ZFYVE1: variants seen among roughly 807,000 people sequenced by gnomAD.
ZFYVE1 encodes zinc finger FYVE-type containing 1, also known as zinc finger FYVE domain-containing protein 1.
Under a neutral mutation model 74.4 loss-of-function variants are expected in ZFYVE1, and 30 were observed. The observed-to-expected ratio is 0.40, with a 90% CI of 0.30 to 0.55. ZFYVE1 has a LOEUF of 0.55. Ranked by LOEUF, ZFYVE1 falls within the 20% of genes least tolerant of loss-of-function variation. The pLI is 0.42. For synonymous variants in ZFYVE1, 335 were observed against 385.1 expected, an observed-to-expected ratio of 0.87 and a Z score of 1.52; for missense variants, 703 against 1,011.6, an observed-to-expected ratio of 0.69 and a Z score of 4.14.
At chr14:73,008,778 C>T (rs1456865123) in intron 2 of ZFYVE1, among the ~76,000 whole-genome samples, 1 of 152,092 alleles carries the variant, frequency 6.6e-6, no homozygotes, top group Non-Finnish European at 1.5e-5. Context: ...CCAGTAAAGG[C>T]CTGTCAGTAA....
intron 2 of ZFYVE1, among the ~76,000 whole-genome samples, chr14:73,003,466 C>T (rs912763578): frequency 2.0e-5 from 3 of 152,184 alleles, no homozygotes; most frequent in Non-Finnish European, 2.9e-5. Flanking sequence ...AATCCCCGTG[C>T]TTTGGGAGGC....
chr14:73,016,338 C>G (rs1286204471), intron 2 of ZFYVE1, among the ~76,000 whole-genome samples: 1 of 152,050 alleles, frequency 6.6e-6, no homozygotes, highest in East Asian at 1.9e-4. Context: ...GGTGAAACCC[C>G]GTCTCTACTA....
intron 3 of ZFYVE1, among the ~76,000 whole-genome samples, chr14:72,995,058 T>TTTTATTTA (rs530658295): frequency 1.3e-5 from 2 of 152,250 alleles, no homozygotes; most frequent in African/African-American, 2.4e-5. Context: ...TTAATTTCCT[T>TTTTATTTA]TTTATTTATT....
chr14:73,000,383 C>G (rs1402597829), intron 2 of ZFYVE1, among the ~76,000 whole-genome samples: 1 of 152,106 alleles, frequency 6.6e-6, no homozygotes, highest in Non-Finnish European at 1.5e-5. Flanking sequence ...GAGAGGATAG[C>G]TTGAGGCCAG....
intron 2 of ZFYVE1, among the ~76,000 whole-genome samples, chr14:73,013,253 A>C (rs1451147222): frequency 1.3e-5 from 2 of 152,188 alleles, no homozygotes; most frequent in African/African-American, 4.8e-5. Context: ...GCTATGACCA[A>C]GCTGACCATA....
intron 4 of ZFYVE1, among the ~76,000 whole-genome samples, chr14:72,989,913 CA>C (rs145449020): frequency 0.014 from 2,076 of 152,152 alleles, 48 homozygotes; most frequent in African/African-American, 0.045. Context: ...TCTTTTATCT[CA>C]AAAGGACTCA....
At chr14:73,023,862 T>C (rs1419975881) in intron 2 of ZFYVE1, among the ~76,000 whole-genome samples, 164 bp downstream of exon 2, 2 of 152,298 alleles carry the variant, frequency 1.3e-5, no homozygotes, top group South Asian at 2.1e-4. Context: ...CCAGAGGTCA[T>C]GCAGCTGGTA....
intron 2 of ZFYVE1, among the ~76,000 whole-genome samples, chr14:73,003,223 T>A (rs1438245282): frequency 6.6e-6 from 1 of 151,702 alleles, no homozygotes; most frequent in Admixed American, 6.6e-5. Flanking sequence ...CCCAGCTAAT[T>A]TTTTTTGTAC....
In ZFYVE1 at chr14:73,026,917, G is replaced by A. The variant is rs1410025390; in HGVS notation, c.-435+9C>T. On this transcript the variant is annotated intron_variant, in intron 1 of 11. Coordinates refer to ENST00000556143, the MANE Select transcript of ZFYVE1 (RefSeq NM_021260.4). ...CCCTGCCCTGCCCGCCGCGGCCCGG[G>A]GATCCCACCACTGAGAAGCTCGGCC... is the stretch of plus-strand genomic sequence containing the variant. 2 of 397,444 alleles carry A rather than the reference G, an allele frequency of 5.0e-6. No individual in the cohort carries two copies. The allele number at this position is 397,444 out of a possible 1,614,324, so 24.6% of individuals were successfully genotyped here.
intron 2 of ZFYVE1, among the ~76,000 whole-genome samples, chr14:73,007,371 C>G (rs891944241): frequency 6.6e-6 from 1 of 152,130 alleles, no homozygotes; most frequent in Non-Finnish European, 1.5e-5. Context: ...TCTGTACCAA[C>G]TACAATCATA....
At chr14:72,979,087 G>A (rs1893256195) in intron 5 of ZFYVE1, 118 bp from the exon 6 acceptor site, 7 of 833,180 alleles carry the variant, frequency 8.4e-6, no homozygotes, top group Non-Finnish European at 4.1e-6. Context: ...TACTAACTGG[G>A]CCTCAGATGC....
intron 4 of ZFYVE1, among the ~76,000 whole-genome samples, chr14:72,986,095 T>G (rs1893472420): frequency 6.6e-6 from 1 of 152,138 alleles, no homozygotes; most frequent in South Asian, 2.1e-4. Context: ...CAGCGTAAGG[T>G]TCTTACTGTT....
At chr14:72,987,840 A>G (rs1893517280) in intron 4 of ZFYVE1, among the ~76,000 whole-genome samples, 1 of 152,176 alleles carries the variant, frequency 6.6e-6, no homozygotes, top group African/African-American at 2.4e-5. Context: ...CCAGCTAGAA[A>G]AAAAGGGGCC....
intron 2 of ZFYVE1, among the ~76,000 whole-genome samples, chr14:73,013,017 A>G (rs4903092): frequency 0.5 from 75,371 of 151,858 alleles, 19,360 homozygotes; most frequent in African/African-American, 0.6. Flanking sequence ...GAGGGTCTGT[A>G]ACTTCATGCC....
intron 2 of ZFYVE1, among the ~76,000 whole-genome samples, chr14:73,010,116 G>A (rs184531428): frequency 6.6e-6 from 1 of 152,190 alleles, no homozygotes; most frequent in Admixed American, 6.5e-5. Context: ...GAACAAGCAG[G>A]ATCCTTATTC....
rs180733436 is a variant in ZFYVE1, at chr14:72,970,879, G to A, written c.*3C>T. 5.6e-5 allele frequency: 90 copies of A among 1,613,916 alleles called. No individual in the cohort carries two copies. ...TGTGAAGGACTCGGAGAGGGGGCTG[G>A]GGTTAAAGGTCACCGGGCTTTTTAT... On this transcript the variant is annotated 3_prime_UTR_variant, in exon 12 of 12. Coordinates refer to ENST00000556143, the MANE Select transcript of ZFYVE1 (RefSeq NM_021260.4).
At chr14:72,998,373 C>T in intron 2 of ZFYVE1, 58 bp from the exon 3 acceptor site, 1 of 1,422,286 alleles carries the variant, frequency 7.0e-7, no homozygotes, top group Non-Finnish European at 9.3e-7. Context: ...ACTAGAAACA[C>T]CTACAAGAAG....
In ZFYVE1 at chr14:72,970,524, G is replaced by A. The variant is rs528863873; in HGVS notation, c.*358C>T. ...CTGCCACTGCCACCTCACCCTGTGC[G>A]GAGGAGACTGTGCGAAGTCTTCACA... On this transcript the variant is annotated 3_prime_UTR_variant, in exon 12 of 12. Coordinates refer to ENST00000556143, the MANE Select transcript of ZFYVE1 (RefSeq NM_021260.4). The A allele has an allele frequency of 2.6e-5, 7 of 266,526 alleles. No individual in the cohort carries two copies. The highest frequency in any genetic ancestry group is 2.5e-4 in the Admixed American group (5 of 19,988). 16.5% of individuals were successfully genotyped at this position (266,526 alleles called of 1,614,324 possible).
At position 72,969,911 on chromosome 14, in the gene ZFYVE1, G is replaced by GC. The variant is rs2140337054; in HGVS notation, c.*970dup. On this transcript the variant is annotated 3_prime_UTR_variant, in exon 12 of 12. Transcript: ENST00000556143. ...TTTCCCTGGAAGGTTTCTCATGATCGCCCCTCCGAGAGCTAGAGGGGTTGT... is the reference window on the plus strand; with the variant it reads ...TTTCCCTGGAAGGTTTCTCATGATCGCCCCCTCCGAGAGCTAGAGGGGTTGT... 3.3e-6 allele frequency: 2 copies of GC among 602,632 alleles called. No individual in the cohort carries two copies. The highest frequency in any genetic ancestry group is 5.9e-6 in the Non-Finnish European group (2 of 341,216). The allele number at this position is 602,632 out of a possible 1,614,324, so 37.3% of individuals were successfully genotyped here.
Sources: gnomAD v4.1 joint callset for allele counts (sites outside exome capture counted in the v4.1 genomes callset) on GRCh38, gnomAD v4.1.1 for gene constraint, MANE v1.5 for transcripts, NCBI Gene and HGNC (gene_info 2026-07-23, HGNC 2026-07-21) for gene names.